The following CEP78 variants were observed in gnomAD, a reference collection of about 807,000 sequenced individuals.
The protein encoded by CEP78 is centrosomal protein of 78 kDa.
Under a neutral mutation model 81.2 loss-of-function variants are expected in CEP78, and 76 were observed. The observed-to-expected ratio is 0.94, with a 90% confidence interval of 0.78 to 1.13. The LOEUF is 1.13. Ranked by LOEUF, CEP78 falls within the 50% of genes most tolerant of loss-of-function variation. The probability of loss-of-function intolerance (pLI) is 0.00; values close to 1 mark genes in which losing one functional copy is unlikely to be tolerated. For missense variants in CEP78, 918 were observed against 846.8 expected, an observed-to-expected ratio of 1.08 and a Z score of -1.04; for synonymous variants, 293 against 301.4, an observed-to-expected ratio of 0.97 and a Z score of 0.29.
Position 78,279,561 on chromosome 9 carries a change from A to G in CEP78, c.*8710A>G, listed in dbSNP as rs1318982586. 2 of 152,258 alleles carry G rather than the reference A, an allele frequency of 1.3e-5. No homozygotes were observed. Among genetic ancestry groups the G allele is most frequent in the African/African-American group, 4.8e-5 (2 of 41,470 alleles). 9.4% of individuals were successfully genotyped at this position (152,258 alleles called of 1,614,324 possible). On this transcript the variant is annotated 3_prime_UTR_variant, in exon 17 of 17. Coordinates refer to ENST00000643273, the MANE Select transcript of CEP78 (RefSeq NM_001330691.3). ...AGGGCTTCAAGTAGCACAAGGCAAA[A>G]GCAGGATTTGTTGACTTCCAAACCT...
rs983458246 is a variant in CEP78 at position 78,239,945 on chromosome 9, G to A, written c.254-78G>A. On this transcript the variant is annotated intron_variant, in intron 1 of 16. Transcript: ENST00000643273. Reference sequence around the variant, plus strand: ...TTTAAAGGACATGGCTCATTTCTATGTCTTAGCACAGAGCAGATGTTTTTG... The same window carrying A: ...TTTAAAGGACATGGCTCATTTCTATATCTTAGCACAGAGCAGATGTTTTTG... The A allele has an allele frequency of 8.8e-6, 11 of 1,256,664 alleles. No individual in the cohort carries two copies. In the South Asian group the frequency reaches 8.8e-5, roughly 10 times the overall value. The allele number at this position is 1,256,664 out of a possible 1,614,324, so 77.8% of individuals were successfully genotyped here.
intron 7 of CEP78, 98 bp from the exon 8 acceptor site, chr9:78,248,664 C>T (rs1826613511): frequency 1.7e-5 from 12 of 702,540 alleles, no homozygotes; most frequent in Middle Eastern, 3.3e-4. Flanking sequence ...GATTGCAAAC[C>T]TTTTATTAAC....
intron 3 of CEP78, 79 bp downstream of exon 3, chr9:78,240,443 G>T: frequency 8.2e-7 from 1 of 1,226,564 alleles, no homozygotes; most frequent in Admixed American, 2.0e-5. Context: ...ATTCCTGTCT[G>T]TACCTTTTTT....
rs772758636 is a variant in CEP78 at position 78,236,430 on chromosome 9, A to G, written c.80A>G (p.Asn27Ser). The G allele has an allele frequency of 5.0e-6, 8 of 1,601,894 alleles. No homozygotes were observed. Among genetic ancestry groups the G allele is most frequent in the Non-Finnish European group, 6.8e-6 (8 of 1,174,726 alleles). Residue 27 changes from asparagine (N) to serine (S), a missense_variant, in exon 1 of 17, where the codon AAC becomes AGC. Coordinates refer to ENST00000643273, the MANE Select transcript of CEP78 (RefSeq NM_001330691.3). ...TACGAGTACCTGTGCGCGCTGCAGA[A>G]CTCGGTGCCGCTGCCCGCCGTGCGC... is the stretch of plus-strand genomic sequence containing the variant. ...SHYEYLCALQ[N>S]SVPLPAVRAC... is the part of the protein sequence containing the mutation.
chr9:78,268,668 C>T (rs1424670808), intron 16 of CEP78, among the ~76,000 whole-genome samples: 8 of 150,612 alleles, frequency 5.3e-5, no homozygotes, highest in Non-Finnish European at 1.0e-4. Context: ...TAGAATTAAG[C>T]AGGTTTCTTT....
chr9:78,261,604 C>A (rs1170502938), intron 11 of CEP78, among the ~76,000 whole-genome samples: 1 of 152,130 alleles, frequency 6.6e-6, no homozygotes, highest in Non-Finnish European at 1.5e-5. Context: ...GTTCTCACTT[C>A]CTCCACTAGA....
chr9:78,268,222 A>G (rs1305016990), intron 16 of CEP78, among the ~76,000 whole-genome samples: 1 of 152,174 alleles, frequency 6.6e-6, no homozygotes, highest in Non-Finnish European at 1.5e-5. Flanking sequence ...AGGCTGGTGA[A>G]TAAGAAGGTG....
At chr9:78,243,393 C>T in intron 4 of CEP78, 69 bp from the exon 5 acceptor site, 2 of 1,341,680 alleles carry the variant, frequency 1.5e-6, no homozygotes, top group African/African-American at 1.5e-5. Context: ...ATCAGCTGTA[C>T]TTAGTTCCTT....
chr9:78,243,775 C>G, intron 5 of CEP78, 139 bp downstream of exon 5: 1 of 577,976 alleles, frequency 1.7e-6, no homozygotes, highest in Non-Finnish European at 2.7e-6. Flanking sequence ...GTTTTTAAGC[C>G]TTTATAAAAG....
chr9:78,259,200 G>C lies in CEP78; in HGVS notation c.1381-3707G>C, dbSNP rs530065344. Among the ~76,000 whole-genome samples, 4 of 152,330 alleles carry C rather than the reference G, an allele frequency of 2.6e-5. No homozygotes were observed. The South Asian group carries it at 8.3e-4, about 32-fold the overall frequency. On this transcript the variant is annotated intron_variant, in intron 11 of 16. Coordinates refer to ENST00000643273, the MANE Select transcript of CEP78 (RefSeq NM_001330691.3). Reference sequence around the variant, plus strand: ...ATGAATTGTAAGAACAATGTTGAAAGAAAGAAGATGCAGAAGTGTGCATTC... The same window carrying C: ...ATGAATTGTAAGAACAATGTTGAAACAAAGAAGATGCAGAAGTGTGCATTC...
At chr9:78,266,883 G>A in intron 16 of CEP78, 180 bp downstream of exon 16, 5 of 1,435,142 alleles carry the variant, frequency 3.5e-6, no homozygotes, top group Non-Finnish European at 4.5e-6. Context: ...AAATAGAATA[G>A]TGACTGTTTC....
At position 78,279,239 on chromosome 9, in the gene CEP78, T is replaced by C. The variant is rs377364078; in HGVS notation, c.*8388T>C. The C allele has an allele frequency of 2.0e-5, 3 of 152,122 alleles. No homozygotes were observed. The highest frequency in any genetic ancestry group is 1.3e-4 in the Admixed American group (2 of 15,270). 9.4% of individuals were successfully genotyped at this position (152,122 alleles called of 1,614,324 possible). The stretch of plus-strand genomic sequence containing the variant: ...AATGTGAAGGCGGCTTTTATCTCCT[T>C]AAGAAAACAAGAAAACTCCACAAAA... On this transcript the variant is annotated 3_prime_UTR_variant, in exon 17 of 17. Coordinates refer to ENST00000643273, the MANE Select transcript of CEP78 (RefSeq NM_001330691.3).
At chr9:78,250,248 A>G in intron 8 of CEP78, 1 of 398,018 alleles carries the variant, frequency 2.5e-6, no homozygotes, top group East Asian at 3.6e-5. Context: ...TGCCTCAGTA[A>G]TTTGGAGACA....
At chr9:78,255,461 C>G (rs996275803) in intron 11 of CEP78, among the ~76,000 whole-genome samples, 1 of 152,080 alleles carries the variant, frequency 6.6e-6, no homozygotes, top group African/African-American at 2.4e-5. Context: ...GTATGTCTCA[C>G]AGTTCTGGAG....
At chr9:78,249,988 T>A (rs921112773) in intron 8 of CEP78, 3 of 306,574 alleles carry the variant, frequency 9.8e-6, no homozygotes, top group African/African-American at 6.4e-5. Context: ...AGGATATCAC[T>A]TGACTTAATA....
At chr9:78,246,874 C>T (rs1826517207) in intron 6 of CEP78, 92 bp downstream of exon 6, 1 of 653,018 alleles carries the variant, frequency 1.5e-6, no homozygotes, top group Non-Finnish European at 2.6e-6. Flanking sequence ...TAATGTGTTT[C>T]CTTCCCTAAT....
At chr9:78,264,120 A>G (rs780470000) in intron 12 of CEP78, 30 bp from the exon 13 acceptor site, 6 of 1,380,234 alleles carry the variant, frequency 4.3e-6, no homozygotes. Context: ...AGAGAAAATC[A>G]TGTCACACAT....
intron 15 of CEP78, 145 bp downstream of exon 15, chr9:78,266,051 C>G: frequency 1.7e-6 from 1 of 600,448 alleles, no homozygotes; most frequent in Admixed American, 2.8e-5. Context: ...TCTGGCCTTA[C>G]TTGGAGCCCC....
chr9:78,248,467 C>G lies in CEP78; in HGVS notation c.957+112C>G, dbSNP rs1011518063. The G allele has an allele frequency of 5.6e-6, 4 of 709,810 alleles. No individual in the cohort carries two copies. The Admixed American group carries it at 1.0e-4, about 18-fold the overall frequency. 44.0% of individuals were successfully genotyped at this position (709,810 alleles called of 1,614,324 possible). On this transcript the variant is annotated intron_variant, in intron 7 of 16. Transcript: ENST00000643273. ...AACTTCTGAGCTCCAGTGATCTTCC[C>G]CCTTCCCAGCTTCCTAGGTAGCTAG... is the stretch of plus-strand genomic sequence containing the variant.
Sources: allele counts gnomAD v4.1 joint callset (sites outside exome capture counted in the v4.1 genomes callset), GRCh38; gene constraint gnomAD v4.1.1; transcripts MANE v1.5; gene names NCBI Gene and HGNC (gene_info 2026-07-23, HGNC 2026-07-21).